LRRFIP1: variants seen among roughly 807,000 people sequenced by gnomAD.
LRRFIP1 encodes the protein leucine-rich repeat flightless-interacting protein 1.
In LRRFIP1, 62 loss-of-function variants were observed where a neutral mutation model predicts 104.4. The observed-to-expected ratio is 0.59, with a 90% CI of 0.48 to 0.73. LRRFIP1 has a LOEUF of 0.73. LRRFIP1 is among the 30% of genes least tolerant of loss of function. The pLI is 0.00. For missense variants in LRRFIP1, 796 were observed against 824.5 expected, an observed-to-expected ratio of 0.97 and a Z score of 0.42; for synonymous variants, 300 against 299.0, an observed-to-expected ratio of 1.00 and a Z score of -0.03.
chr2:237,758,995 A>G (rs764591298), intron 18 of LRRFIP1, among the ~76,000 whole-genome samples, 174 bp downstream of exon 18: 11 of 152,230 alleles, frequency 7.2e-5, no homozygotes, highest in African/African-American at 2.4e-4. Flanking sequence ...AAATAAATGT[A>G]GGTTCAGTGG....
At position 237,686,836 on chromosome 2, in the gene LRRFIP1, C is replaced by T. The variant is rs190089170; in HGVS notation, c.97-21708C>T. 4.8e-3 allele frequency among the ~76,000 whole-genome samples: 727 copies of T among 152,394 alleles called. 5 individuals are homozygous for T. Among genetic ancestry groups the T allele is most frequent in the African/African-American group, 0.016 (685 of 41,594 alleles). ...TGGCCGTGGGGTACCACCTTCTTTG[C>T]AGACAGCAGGCAGGGTCTGGATCCC... On this transcript the variant is annotated intron_variant, in intron 1 of 23. Transcript: ENST00000308482.
At chr2:237,628,661 C>G (rs892783782) in intron 1 of LRRFIP1, among the ~76,000 whole-genome samples, 2 of 152,176 alleles carry the variant, frequency 1.3e-5, no homozygotes, top group African/African-American at 4.8e-5. Flanking sequence ...TGCCTTGTAA[C>G]CCGCCTTACA....
At chr2:237,645,200 A>G (rs74001206) in intron 1 of LRRFIP1, among the ~76,000 whole-genome samples, 4 of 152,174 alleles carry the variant, frequency 2.6e-5, no homozygotes, top group Non-Finnish European at 4.4e-5. Flanking sequence ...CTATGCAGAT[A>G]TCCTGTGTCA....
At chr2:237,774,202 G>T (rs1485853696) in intron 22 of LRRFIP1, 156 bp from the exon 23 acceptor site, 1 of 602,368 alleles carries the variant, frequency 1.7e-6, no homozygotes, top group Non-Finnish European at 3.0e-6. Flanking sequence ...TAGCTTGCTT[G>T]GCTCAAACCC....
chr2:237,646,051 C>T (rs776071092), intron 1 of LRRFIP1, among the ~76,000 whole-genome samples: 4 of 151,964 alleles, frequency 2.6e-5, no homozygotes, highest in South Asian at 2.1e-4. Flanking sequence ...GTAGCAGCAG[C>T]GAAGGAGTTA....
intron 1 of LRRFIP1, chr2:237,692,404 G>T: frequency 7.0e-7 from 1 of 1,434,048 alleles, no homozygotes; most frequent in Non-Finnish European, 9.2e-7. Flanking sequence ...AGGGGCTCCC[G>T]GCGCGGTCCC....
intron 14 of LRRFIP1, 53 bp downstream of exon 14, chr2:237,751,324 A>G: frequency 1.5e-6 from 2 of 1,373,230 alleles, no homozygotes; most frequent in South Asian, 2.6e-5. Flanking sequence ...TTAACTTAAA[A>G]AAAAAAACAA....
intron 13 of LRRFIP1, among the ~76,000 whole-genome samples, chr2:237,750,326 CTTTTT>C (rs928510240): frequency 3.9e-3 from 236 of 60,730 alleles, no homozygotes; most frequent in African/African-American, 0.014. Flanking sequence ...TTCTTTCTTT[CTTTTT>C]TTTTTTTTTT....
Position 237,733,075 on chromosome 2 carries a change from C to T in LRRFIP1, c.445-699C>T, listed in dbSNP as rs1223053546. Among the ~76,000 whole-genome samples, 5 of 152,324 alleles carry T rather than the reference C, an allele frequency of 3.3e-5. No individual in the cohort carries two copies. The South Asian group carries it at 8.3e-4, about 25-fold the overall frequency. On this transcript the variant is annotated intron_variant, in intron 8 of 23. Transcript: ENST00000308482. Reference sequence around the variant, plus strand: ...GCTGAGTGATCACCGCCTGGCCGTGCACCTTGCCTGACTTGCTCAGTGTGC... The same window carrying T: ...GCTGAGTGATCACCGCCTGGCCGTGTACCTTGCCTGACTTGCTCAGTGTGC...
At chr2:237,629,977 G>A (rs1160072738) in intron 1 of LRRFIP1, among the ~76,000 whole-genome samples, 3 of 152,170 alleles carry the variant, frequency 2.0e-5, no homozygotes, top group African/African-American at 7.2e-5. Flanking sequence ...TCTTCTCTGG[G>A]CCTCTGTTTT....
At chr2:237,736,995 C>T (rs1029202771) in intron 10 of LRRFIP1, among the ~76,000 whole-genome samples, 1 of 152,022 alleles carries the variant, frequency 6.6e-6, no homozygotes. Context: ...CCAGAGCGGC[C>T]CCGGCGCCCA....
intron 11 of LRRFIP1, among the ~76,000 whole-genome samples, chr2:237,744,541 TAGAA>T (rs1396260889): frequency 6.6e-6 from 1 of 152,202 alleles, no homozygotes; most frequent in African/African-American, 2.4e-5. Context: ...GACACAGTGT[TAGAA>T]AGTTGGAATT....
chr2:237,755,962 A>G, intron 15 of LRRFIP1, 133 bp from the exon 16 acceptor site: 1 of 491,198 alleles, frequency 2.0e-6, no homozygotes. Flanking sequence ...AAAATAAAAT[A>G]AAAGACCTTG....
intron 1 of LRRFIP1, 127 bp downstream of exon 1, chr2:237,627,867 G>C (rs1334900060): frequency 3.4e-6 from 2 of 585,796 alleles, no homozygotes; most frequent in Non-Finnish European, 4.8e-6. Flanking sequence ...GCTCCAGGCG[G>C]GTGGGCCGGG....
At chr2:237,685,042 G>C (rs1001371786) in intron 1 of LRRFIP1, among the ~76,000 whole-genome samples, 3 of 152,010 alleles carry the variant, frequency 2.0e-5, no homozygotes, top group Non-Finnish European at 4.4e-5. Flanking sequence ...TGTATGTAGT[G>C]AGCCAAGATT....
chr2:237,662,789 A>G (rs1353418516), intron 1 of LRRFIP1, among the ~76,000 whole-genome samples: 1 of 152,036 alleles, frequency 6.6e-6, no homozygotes, highest in Non-Finnish European at 1.5e-5. Flanking sequence ...ACTGGGCCAG[A>G]TTGAGGACTA....
At chr2:237,720,897 C>G (rs1212350776) in intron 6 of LRRFIP1, 75 bp downstream of exon 6, 15 of 1,287,876 alleles carry the variant, frequency 1.2e-5, no homozygotes, top group Non-Finnish European at 1.7e-5. Flanking sequence ...TCCCCGCATT[C>G]TGATTTCTTC....
chr2:237,762,726 A>G, intron 19 of LRRFIP1: 1 of 1,614,198 alleles, frequency 6.2e-7, no homozygotes, highest in Non-Finnish European at 8.5e-7. Flanking sequence ...GTGGACATAG[A>G]GGTATTCCCT....
chr2:237,770,858 C>G (rs2060557111), intron 20 of LRRFIP1: 1 of 152,180 alleles, frequency 6.6e-6, no homozygotes, highest in African/African-American at 2.4e-5. Flanking sequence ...GTGATTAAAT[C>G]ACTCTACAAC....
Sources: allele counts gnomAD v4.1 joint callset (sites outside exome capture counted in the v4.1 genomes callset), GRCh38; gene constraint gnomAD v4.1.1; transcripts MANE v1.5; gene names NCBI Gene and HGNC (gene_info 2026-07-23, HGNC 2026-07-21).